DPY19L2: variants seen among roughly 807,000 people sequenced by gnomAD.
DPY19L2 encodes probable C-mannosyltransferase DPY19L2.
Under a neutral mutation model 97.9 loss-of-function variants are expected in DPY19L2, and 34 were observed. The ratio of observed to expected loss-of-function variants is 0.35; its 90% CI spans 0.26 to 0.46. The LOEUF (loss-of-function observed/expected upper bound fraction) is 0.46. Ranked by LOEUF, DPY19L2 falls within the 20% of genes least tolerant of loss-of-function variation. The pLI, the probability that DPY19L2 is intolerant of heterozygous loss-of-function variation, is 1.00. For synonymous variants in DPY19L2, 230 were observed against 307.9 expected (o/e 0.75, Z 2.65); for missense variants, 623 against 911.4 (o/e 0.68, Z 4.07).
Position 63,662,510 on chromosome 12 carries a change from T to C in DPY19L2, c.451-1029A>G, listed in dbSNP as rs567257236. On this transcript the variant is annotated intron_variant, in intron 3 of 21. Transcript: ENST00000324472. ...AAATATTAAATATATAAAAAGTTACTAATAACAGCTATTATTTTGTGTTAA... is the reference window on the plus strand; with the variant it reads ...AAATATTAAATATATAAAAAGTTACCAATAACAGCTATTATTTTGTGTTAA... Among the ~76,000 whole-genome samples, 225 of 152,190 alleles carry C rather than the reference T, an allele frequency of 1.5e-3. 1 individual carries two copies. Among genetic ancestry groups the C allele is most frequent in the African/African-American group, 5.0e-3 (208 of 41,508 alleles).
rs535377818 is a variant in DPY19L2, at chr12:63,668,281, T to C, written c.113A>G (p.Glu38Gly). The C allele has an allele frequency of 8.1e-6, 13 of 1,613,876 alleles. No individual in the cohort carries two copies. The African/African-American group carries it at 1.6e-4, about 20-fold the overall frequency. The change falls in exon 1 of 22, where the codon GAA (glutamate) becomes GGA (glycine). Residue 38 changes from glutamate to glycine, a missense_variant. By Grantham distance (98) the Glu-to-Gly change is moderately conservative (BLOSUM62 -2). Coordinates refer to ENST00000324472, the MANE Select transcript of DPY19L2 (RefSeq NM_173812.5). The part of the protein sequence containing the change: ...AREPEVEEEM[E>G]KSALGGGKLP... ...TTTCCCGCCGCCTAGGGCCGACTTT[T>C]CCATCTCCTCCTCTACCTCCGGCTC...
chr12:63,590,614 T>G (rs1882725013), intron 16 of DPY19L2, among the ~76,000 whole-genome samples: 1 of 152,120 alleles, frequency 6.6e-6, no homozygotes, highest in African/African-American at 2.4e-5. Context: ...GACACACTAT[T>G]AAATACAAGT....
intron 12 of DPY19L2, among the ~76,000 whole-genome samples, chr12:63,607,103 T>G (rs1444037513): frequency 6.6e-6 from 1 of 152,176 alleles, no homozygotes; most frequent in African/African-American, 2.4e-5. Flanking sequence ...TTAGATTTTT[T>G]GTTTCTTTGA....
rs1176071201 is a variant in DPY19L2, at chr12:63,666,491, G to A, written c.338-632C>T. The A allele has an allele frequency of 6.7e-6, 3 of 444,580 alleles. No individual in the cohort carries two copies. The East Asian group carries it at 2.2e-4, about 33-fold the overall frequency. 27.5% of individuals were successfully genotyped at this position (444,580 alleles called of 1,614,324 possible). A position where few individuals can be genotyped will look rare whatever the true frequency, so the allele number is the denominator to read the frequency against. The stretch of plus-strand genomic sequence containing the variant: ...TGGGAGCTAGGAGACACTGCTCTGG[G>A]TATGGAGCTTTTACAGGAGCTGCAA... On this transcript the variant is annotated intron_variant, in intron 1 of 21. Coordinates refer to ENST00000324472, the MANE Select transcript of DPY19L2 (RefSeq NM_173812.5).
At chr12:63,588,854 C>T (rs1283279880) in intron 16 of DPY19L2, among the ~76,000 whole-genome samples, 2 of 151,172 alleles carry the variant, frequency 1.3e-5, no homozygotes, top group East Asian at 2.0e-4. Context: ...CCCGGGTTCA[C>T]GCCATTCTCC....
intron 9 of DPY19L2, among the ~76,000 whole-genome samples, 184 bp from the exon 10 acceptor site, chr12:63,618,412 AT>A (rs557858622): frequency 1.6e-4 from 24 of 152,052 alleles, no homozygotes; most frequent in African/African-American, 5.3e-4. Context: ...AAATAAAAAT[AT>A]TTTTTAAATA....
rs188057242 is a variant in DPY19L2, at chr12:63,633,132, T to G, written c.804-6606A>C. 7.1e-4 allele frequency among the ~76,000 whole-genome samples: 108 copies of G among 152,238 alleles called. 1 individual carries two copies. The highest frequency in any genetic ancestry group is 2.3e-3 in the African/African-American group (94 of 41,544). ...AAACCCTAGAAGAAAACCTAGGCAT[T>G]ACCATTCAGGACATAGGCATGGGCA... On this transcript the variant is annotated intron_variant, in intron 6 of 21. Transcript: ENST00000324472.
intron 6 of DPY19L2, among the ~76,000 whole-genome samples, chr12:63,628,014 A>G (rs1326063292): frequency 6.6e-6 from 1 of 152,248 alleles, no homozygotes; most frequent in African/African-American, 2.4e-5. Flanking sequence ...ATGTGTGAGT[A>G]GCAAGGACCA....
intron 6 of DPY19L2, among the ~76,000 whole-genome samples, chr12:63,642,377 T>A (rs1292833039): frequency 6.6e-6 from 1 of 152,176 alleles, no homozygotes; most frequent in Non-Finnish European, 1.5e-5. Flanking sequence ...TGGATTTTTT[T>A]ATCTTGTTTA....
chr12:63,657,742 C>T (rs1267560601), intron 4 of DPY19L2, among the ~76,000 whole-genome samples: 2 of 152,106 alleles, frequency 1.3e-5, no homozygotes, highest in Admixed American at 6.6e-5. Flanking sequence ...CTAGCCAGCA[C>T]CATAGGGAAA....
intron 6 of DPY19L2, among the ~76,000 whole-genome samples, chr12:63,643,594 G>C (rs556345879): frequency 6.6e-6 from 1 of 152,162 alleles, no homozygotes; most frequent in Non-Finnish European, 1.5e-5. Context: ...GTTGTTTATT[G>C]TATCATTCAA....
chr12:63,620,541 G>T (rs1721783668), intron 9 of DPY19L2, among the ~76,000 whole-genome samples: 1 of 152,074 alleles, frequency 6.6e-6, no homozygotes, highest in Non-Finnish European at 1.5e-5. Flanking sequence ...CTTAAAATCT[G>T]TCAAACTAAC....
intron 6 of DPY19L2, among the ~76,000 whole-genome samples, chr12:63,640,798 G>A (rs1435658931): frequency 6.6e-6 from 1 of 152,026 alleles, no homozygotes; most frequent in Admixed American, 6.5e-5. Context: ...TTAAATTTTA[G>A]TCATTGTTGT....
chr12:63,586,997 G>A (rs1286064878), intron 16 of DPY19L2, among the ~76,000 whole-genome samples: 10 of 150,962 alleles, frequency 6.6e-5, no homozygotes, highest in South Asian at 2.1e-4. Context: ...ATTAGAAAAC[G>A]GGTATTAGAG....
At chr12:63,615,033 T>C (rs1173928020) in intron 11 of DPY19L2, among the ~76,000 whole-genome samples, 2 of 152,128 alleles carry the variant, frequency 1.3e-5, no homozygotes, top group Non-Finnish European at 2.9e-5. Flanking sequence ...ACAAGTATGC[T>C]ATCAGACCAC....
At position 63,668,285 on chromosome 12, in the gene DPY19L2, TCTC is replaced by T. The variant is rs1272657053; in HGVS notation, c.106_108del (p.Glu36del). The T allele has an allele frequency of 2.5e-6, 4 of 1,613,584 alleles. No individual in the cohort carries two copies. In the African/African-American group the frequency reaches 5.3e-5, roughly 22 times the overall value. On this transcript the variant is annotated inframe_deletion, in exon 1 of 22. Transcript: ENST00000324472. Reference sequence around the variant, plus strand: ...CCGCCGCCTAGGGCCGACTTTTCCATCTCCTCCTCTACCTCCGGCTCCCGGGCG... The same window carrying T: ...CCGCCGCCTAGGGCCGACTTTTCCATCTCCTCTACCTCCGGCTCCCGGGCG...
At chr12:63,664,015 C>T (rs1391162339) in intron 2 of DPY19L2, among the ~76,000 whole-genome samples, 170 bp from the exon 3 acceptor site, 1 of 152,086 alleles carries the variant, frequency 6.6e-6, no homozygotes, top group African/African-American at 2.4e-5. Flanking sequence ...ATGGCACACA[C>T]CTGAAATTCC....
chr12:63,590,841 A>C (rs1882774730), intron 16 of DPY19L2, among the ~76,000 whole-genome samples: 2 of 152,100 alleles, frequency 1.3e-5, no homozygotes, highest in African/African-American at 4.8e-5. Flanking sequence ...TTTAACCCGG[A>C]ACCCTCTGCC....
At chr12:63,646,984 A>G (rs1407170981) in intron 5 of DPY19L2, among the ~76,000 whole-genome samples, 1 of 152,142 alleles carries the variant, frequency 6.6e-6, no homozygotes, top group Admixed American at 6.5e-5. Flanking sequence ...TCTCATTCTG[A>G]AATAGAAGAC....
Sources: gnomAD v4.1 joint callset for allele counts (sites outside exome capture counted in the v4.1 genomes callset) on GRCh38, gnomAD v4.1.1 for gene constraint, MANE v1.5 for transcripts, NCBI Gene and HGNC (gene_info 2026-07-23, HGNC 2026-07-21) for gene names.